Variants in SUCLG2 observed in about 807,000 individuals in gnomAD.
SUCLG2 encodes succinate--CoA ligase [GDP-forming] subunit beta, mitochondrial.
In SUCLG2, 42 loss-of-function variants were observed where a neutral mutation model predicts 47.9. The observed-to-expected ratio is 0.88, with a 90% CI of 0.69 to 1.14. The LOEUF is 1.14. Ranked by LOEUF, SUCLG2 falls within the 50% of genes most tolerant of loss-of-function variation. The pLI is 0.00. For missense variants in SUCLG2, 571 were observed against 525.9 expected (o/e 1.09, Z -0.84); for synonymous variants, 195 against 197.3 (o/e 0.99, Z 0.10).
intron 9 of SUCLG2, among the ~76,000 whole-genome samples, chr3:67,411,723 T>TG: frequency 6.6e-6 from 1 of 152,192 alleles, no homozygotes; most frequent in East Asian, 1.9e-4. Context: ...CCCCACCTTT[T>TG]GTTCATTCCA....
intron 10 of SUCLG2, among the ~76,000 whole-genome samples, chr3:67,391,929 G>A (rs564067715): frequency 6.6e-6 from 1 of 152,282 alleles, no homozygotes; most frequent in South Asian, 2.1e-4. Flanking sequence ...AGATGGACCT[G>A]TTTCCCACCT....
chr3:67,625,976 G>C (rs1036911687), intron 1 of SUCLG2, among the ~76,000 whole-genome samples: 3 of 151,876 alleles, frequency 2.0e-5, no homozygotes, highest in Non-Finnish European at 4.4e-5. Flanking sequence ...AAGAGCATAG[G>C]ACAGGGTTGT....
At chr3:67,645,332 G>GT (rs1300686506) in intron 1 of SUCLG2, among the ~76,000 whole-genome samples, 1 of 152,130 alleles carries the variant, frequency 6.6e-6, no homozygotes, top group Non-Finnish European at 1.5e-5. Flanking sequence ...ATGCTATGCT[G>GT]TGAGTTTTGG....
intron 2 of SUCLG2, among the ~76,000 whole-genome samples, chr3:67,566,026 T>G (rs1307726588): frequency 6.6e-6 from 1 of 152,202 alleles, no homozygotes; most frequent in Non-Finnish European, 1.5e-5. Context: ...AGTAACAACC[T>G]TGACTCAATC....
downstream of SUCLG2, among the ~76,000 whole-genome samples, chr3:67,370,525 T>G (rs1001743526): frequency 6.6e-6 from 1 of 152,150 alleles, no homozygotes; most frequent in Non-Finnish European, 1.5e-5. Flanking sequence ...TTTATTAATA[T>G]ACAGGAATCC....
intron 9 of SUCLG2, among the ~76,000 whole-genome samples, chr3:67,481,259 A>C (rs1191269181): frequency 1.3e-5 from 2 of 152,202 alleles, no homozygotes; most frequent in African/African-American, 4.8e-5. Flanking sequence ...ACAAACCTAA[A>C]ACAGCTCACA....
intron 1 of SUCLG2, among the ~76,000 whole-genome samples, chr3:67,634,715 C>T (rs550325809): frequency 3.3e-5 from 5 of 152,256 alleles, no homozygotes; most frequent in East Asian, 3.9e-4. Context: ...TTAGTCTTTT[C>T]CCTGCCAAGT....
At chr3:67,549,238 G>A (rs982579162) in intron 2 of SUCLG2, among the ~76,000 whole-genome samples, 6 of 152,122 alleles carry the variant, frequency 3.9e-5, no homozygotes, top group African/African-American at 1.4e-4. Flanking sequence ...GATGATACCT[G>A]GAGCTTAAGA....
intron 4 of SUCLG2, among the ~76,000 whole-genome samples, chr3:67,523,148 T>C (rs9828107): frequency 0.014 from 2,143 of 152,230 alleles, 50 homozygotes; most frequent in African/African-American, 0.05. Context: ...ACAGATTAAG[T>C]AGCATTAGAT....
chr3:67,362,535 G>C (rs542434447), intron 10 of SUCLG2, among the ~76,000 whole-genome samples: 1 of 152,196 alleles, frequency 6.6e-6, no homozygotes, highest in East Asian at 1.9e-4. Context: ...GTGTGTGATA[G>C]TTAAGCTGGT....
At chr3:67,520,402 C>T in intron 5 of SUCLG2, 80 bp downstream of exon 5, 2 of 1,587,336 alleles carry the variant, frequency 1.3e-6, no homozygotes, top group Non-Finnish European at 1.7e-6. Context: ...GTGCTCCTGG[C>T]CTTAGACTCC....
chr3:67,446,711 C>T (rs1390203033), intron 9 of SUCLG2, among the ~76,000 whole-genome samples: 3 of 151,572 alleles, frequency 2.0e-5, no homozygotes, highest in Non-Finnish European at 4.4e-5. Flanking sequence ...GGATTACAGG[C>T]GTAAGCTATT....
intron 6 of SUCLG2, among the ~76,000 whole-genome samples, chr3:67,511,284 G>T (rs1705781541): frequency 6.6e-6 from 1 of 152,166 alleles, no homozygotes; most frequent in African/African-American, 2.4e-5. Flanking sequence ...TTAGCCATTT[G>T]TATCTTTGTC....
At chr3:67,415,236 A>C (rs1165454224) in intron 9 of SUCLG2, among the ~76,000 whole-genome samples, 1 of 152,236 alleles carries the variant, frequency 6.6e-6, no homozygotes, top group Non-Finnish European at 1.5e-5. Flanking sequence ...ATGCAGAATA[A>C]AGCTACACAG....
chr3:67,398,782 C>G (rs1297704978), intron 10 of SUCLG2, among the ~76,000 whole-genome samples: 1 of 152,060 alleles, frequency 6.6e-6, no homozygotes, highest in Non-Finnish European at 1.5e-5. Flanking sequence ...AAATGTCCAA[C>G]GATGATAGAC....
At chr3:67,566,421 G>C (rs963721421) in intron 2 of SUCLG2, among the ~76,000 whole-genome samples, 1 of 152,016 alleles carries the variant, frequency 6.6e-6, no homozygotes, top group Non-Finnish European at 1.5e-5. Flanking sequence ...GAATACAACT[G>C]TATAAAGTAT....
At chr3:67,625,652 ACTCACCTT>A (rs1700813131) in intron 1 of SUCLG2, among the ~76,000 whole-genome samples, 1 of 152,066 alleles carries the variant, frequency 6.6e-6, no homozygotes, top group Non-Finnish European at 1.5e-5. Flanking sequence ...CATGAAAGCT[ACTCACCTT>A]CTCAGGGCAG....
chr3:67,437,384 A>G (rs1703650034), intron 9 of SUCLG2, among the ~76,000 whole-genome samples: 1 of 152,186 alleles, frequency 6.6e-6, no homozygotes, highest in Admixed American at 6.5e-5. Flanking sequence ...AAATGCTGGT[A>G]TTATTTTCTT....
At chr3:67,578,455 G>C (rs1024817119) in intron 2 of SUCLG2, among the ~76,000 whole-genome samples, 4 of 151,978 alleles carry the variant, frequency 2.6e-5, no homozygotes, top group Non-Finnish European at 4.4e-5. Context: ...AAATGTCTTA[G>C]ATTGACTTAC....
Sources: allele counts gnomAD v4.1 joint callset (sites outside exome capture counted in the v4.1 genomes callset), GRCh38; gene constraint gnomAD v4.1.1; transcripts MANE v1.5; gene names NCBI Gene and HGNC (gene_info 2026-07-23, HGNC 2026-07-21).